The following CC2D1A variants were observed in gnomAD, a reference collection of about 807,000 sequenced individuals.
The protein encoded by CC2D1A is coiled-coil and C2 domain containing 1A.
Under a neutral mutation model 123.8 loss-of-function variants are expected in CC2D1A, and 68 were observed. The observed-to-expected ratio is 0.55, with a 90% CI of 0.45 to 0.67. The LOEUF (loss-of-function observed/expected upper bound fraction) is 0.67, where lower values mean the gene tolerates loss of function less well. Ranked by LOEUF, CC2D1A falls within the 30% of genes least tolerant of loss-of-function variation. CC2D1A has a pLI of 0.00. For missense variants in CC2D1A, 1,185 were observed against 1,290.3 expected, an observed-to-expected ratio of 0.92 and a Z score of 1.25; for synonymous variants, 477 against 528.0, an observed-to-expected ratio of 0.90 and a Z score of 1.32.
At chr19:13,924,280 C>T (rs1251072764) in intron 17 of CC2D1A, among the ~76,000 whole-genome samples, 2 of 152,130 alleles carry the variant, frequency 1.3e-5, no homozygotes, top group African/African-American at 2.4e-5. Flanking sequence ...ATGCCATTCT[C>T]CTGCCTCAGC....
chr19:13,913,018 C>A, intron 4 of CC2D1A, 150 bp from the exon 5 acceptor site: 2 of 787,520 alleles, frequency 2.5e-6, no homozygotes, highest in Non-Finnish European at 2.0e-6. Flanking sequence ...CCATTCCCTC[C>A]ACTGGGAAAT....
At chr19:13,929,745 TGGGGGAGGGGC>T in intron 26 of CC2D1A, 85 bp downstream of exon 26, 1 of 242,844 alleles carries the variant, frequency 4.1e-6, no homozygotes, top group African/African-American at 6.7e-5. Context: ...GCATATCTGG[TGGGGGAGGGGC>T]TCGGGGATGG....
At chr19:13,918,477 C>T in intron 7 of CC2D1A, 27 bp from the exon 8 acceptor site, 1 of 1,608,018 alleles carries the variant, frequency 6.2e-7, no homozygotes, top group Admixed American at 1.7e-5. Flanking sequence ...TGCACCTCTT[C>T]TTCTAATCTC....
chr19:13,913,969 C>T (rs572545550), intron 6 of CC2D1A, among the ~76,000 whole-genome samples: 54 of 152,166 alleles, frequency 3.5e-4, no homozygotes, highest in African/African-American at 1.2e-3. Context: ...ACAACCTCCA[C>T]CTCCCAAGTT....
intron 14 of CC2D1A, among the ~76,000 whole-genome samples, chr19:13,922,689 A>G (rs549885947): frequency 3.4e-4 from 52 of 152,190 alleles, no homozygotes; most frequent in African/African-American, 1.2e-3. Context: ...TCTCTTCTTC[A>G]TCCTTGTGTC....
At chr19:13,917,489 G>C (rs989587167) in intron 6 of CC2D1A, among the ~76,000 whole-genome samples, 3 of 152,114 alleles carry the variant, frequency 2.0e-5, no homozygotes, top group African/African-American at 7.2e-5. Flanking sequence ...ACTCACACCT[G>C]TAATCCTACT....
chr19:13,912,194 G>A (rs569765362), intron 2 of CC2D1A, 129 bp from the exon 3 acceptor site: 7 of 1,089,940 alleles, frequency 6.4e-6, no homozygotes, highest in Admixed American at 5.4e-5. Context: ...CCCCAGACCT[G>A]AGGCTGAATA....
At position 13,923,300 on chromosome 19, in the gene CC2D1A, C is replaced by T; in HGVS notation, c.1642-33C>T. On this transcript the variant is annotated intron_variant, in intron 14 of 28. Transcript: ENST00000318003. This position sits in a 1 kb window ranked among gnomAD's most constrained non-coding sequence, Gnocchi z 5.3. ...AGCCCTAGGTGGGCCTGCTTGTCCTCCTTACCCCCGCCACCAGCCTCGTCC... is the reference window on the plus strand; with the variant it reads ...AGCCCTAGGTGGGCCTGCTTGTCCTTCTTACCCCCGCCACCAGCCTCGTCC... The T allele has an allele frequency of 6.3e-7, 1 of 1,587,010 alleles. No individual in the cohort carries two copies. Among genetic ancestry groups the T allele is most frequent in the African/African-American group, 1.3e-5 (1 of 74,828 alleles).
chr19:13,920,968 A>G (rs1310926889), intron 14 of CC2D1A, 46 bp downstream of exon 14: 1 of 1,551,336 alleles, frequency 6.4e-7, no homozygotes, highest in South Asian at 1.2e-5. Flanking sequence ...CCCACTTGTC[A>G]GGCTCCTGCC....
chr19:13,920,469 C>G, intron 12 of CC2D1A, 88 bp from the exon 13 acceptor site: 1 of 823,412 alleles, frequency 1.2e-6, no homozygotes, highest in Non-Finnish European at 2.1e-6. Flanking sequence ...TAAATGACCA[C>G]TGTTGTCACC....
At chr19:13,907,728 G>T (rs543976249) in intron 1 of CC2D1A, among the ~76,000 whole-genome samples, 2 of 151,954 alleles carry the variant, frequency 1.3e-5, no homozygotes, top group Non-Finnish European at 2.9e-5. Context: ...AATTAAAAAT[G>T]GAGACCTCCA....
rs1338027428 is a variant in CC2D1A, at chr19:13,919,043, G to A, written c.1149+1G>A. ...TCGAATGCACGAGCGCATCGTCAAG[G>A]TGCCCTGGGGGTTCCGGGGGAGGTG... On this transcript the variant is annotated splice_donor_variant, in intron 10 of 28. Coordinates refer to ENST00000318003, the MANE Select transcript of CC2D1A (RefSeq NM_017721.5). LOFTEE classifies it high-confidence loss of function. The A allele has an allele frequency of 1.2e-6, 2 of 1,606,414 alleles. No individual in the cohort carries two copies. Among genetic ancestry groups the A allele is most frequent in the African/African-American group, 1.3e-5 (1 of 74,760 alleles).
intron 5 of CC2D1A, 42 bp downstream of exon 5, chr19:13,913,344 C>A: frequency 6.2e-7 from 1 of 1,606,374 alleles, no homozygotes. Context: ...CCCCGCCAAC[C>A]CCGATGCCCT....
intron 23 of CC2D1A, 35 bp downstream of exon 23, chr19:13,928,065 A>T: frequency 7.7e-7 from 1 of 1,295,158 alleles, no homozygotes; most frequent in Non-Finnish European, 1.0e-6. Flanking sequence ...CAGCAACCCC[A>T]GGGAGGGAAG....
chr19:13,930,329 T>C lies in CC2D1A; in HGVS notation c.2835+40T>C, dbSNP rs772036465. On this transcript the variant is annotated intron_variant, in intron 28 of 28. Coordinates refer to ENST00000318003, the MANE Select transcript of CC2D1A (RefSeq NM_017721.5). The surrounding 1 kb of genome is among the most constrained non-coding windows in gnomAD (Gnocchi z 6.8). ...AGATGGGGTGGTTGGGGGATCACTG[T>C]GGTCGTAGCCCACCTCCATGACCCC... 1 of 1,613,762 alleles carries C rather than the reference T, an allele frequency of 6.2e-7. No homozygotes were observed. Among genetic ancestry groups the C allele is most frequent in the Admixed American group, 1.7e-5 (1 of 59,996 alleles).
intron 6 of CC2D1A, among the ~76,000 whole-genome samples, chr19:13,915,432 G>C (rs1971169660): frequency 6.6e-6 from 1 of 152,126 alleles, no homozygotes; most frequent in Non-Finnish European, 1.5e-5. Context: ...TTTTAGTAGA[G>C]ACGGGGTTTC....
chr19:13,924,018 G>T (rs1971505926), intron 17 of CC2D1A, among the ~76,000 whole-genome samples: 1 of 152,160 alleles, frequency 6.6e-6, no homozygotes, highest in Admixed American at 6.5e-5. Flanking sequence ...TGACGCATTT[G>T]GGAAAGATCT....
At position 13,927,162 on chromosome 19, in the gene CC2D1A, C is replaced by A; in HGVS notation, c.2226-13C>A. ...CCAACCATCCTGTCCCCACTATACA[C>A]ACATGCACACAGGGGGCTGTTCAAG... On this transcript the variant is annotated splice_polypyrimidine_tract_variant and intron_variant, in intron 21 of 28. Coordinates refer to ENST00000318003, the MANE Select transcript of CC2D1A (RefSeq NM_017721.5). The A allele has an allele frequency of 6.2e-7, 1 of 1,613,350 alleles. No homozygotes were observed. Among genetic ancestry groups the A allele is most frequent in the Non-Finnish European group, 8.5e-7 (1 of 1,179,358 alleles).
chr19:13,911,731 T>G (rs1312934469), intron 2 of CC2D1A, among the ~76,000 whole-genome samples: 3 of 139,578 alleles, frequency 2.1e-5, no homozygotes, highest in African/African-American at 3.1e-5. Context: ...TTTTTTTTTT[T>G]TTGAGACGGA....
Sources: allele counts gnomAD v4.1 joint callset (sites outside exome capture counted in the v4.1 genomes callset), GRCh38; gene constraint gnomAD v4.1.1; non-coding constraint Gnocchi (gnomAD v3.1); transcripts MANE v1.5; gene names NCBI Gene and HGNC (gene_info 2026-07-23, HGNC 2026-07-21).